The following GUCY1A2 variants were observed in gnomAD, a reference collection of about 807,000 sequenced individuals.
GUCY1A2 encodes guanylate cyclase 1 soluble subunit alpha 2.
GUCY1A2 carries 27 observed loss-of-function variants against 63.5 expected under a neutral mutation model. The observed-to-expected ratio is 0.43, with a 90% confidence interval of 0.31 to 0.59. The LOEUF is 0.59. Ranked by LOEUF, GUCY1A2 falls within the 20% of genes least tolerant of loss-of-function variation. The pLI is 0.11. For synonymous variants in GUCY1A2, 364 were observed against 343.5 expected (o/e 1.06, Z -0.66); for missense variants, 768 against 913.3 (o/e 0.84, Z 2.05).
chr11:106,788,489 A>C (rs12575777), intron 5 of GUCY1A2, among the ~76,000 whole-genome samples: 7,014 of 152,200 alleles, frequency 0.046, 159 homozygotes, highest in East Asian at 0.093. Context: ...AGTTTCTCTA[A>C]TGTTTTCTTT....
Position 106,680,546 on chromosome 11 carries a change from C to T in GUCY1A2, c.*7003G>A, listed in dbSNP as rs945527528. On this transcript the variant is annotated 3_prime_UTR_variant, in exon 8 of 8. Transcript: ENST00000526355. ...TCTGATCAGCAACTAGCTGAATTAA[C>T]TGGAAGGATAACTTCAGTGTAATTT... The T allele has an allele frequency of 5.1e-6, 1 of 197,238 alleles. No homozygotes were observed. Among genetic ancestry groups the T allele is most frequent in the Non-Finnish European group, 1.0e-5 (1 of 95,386 alleles). 12.2% of individuals were successfully genotyped at this position (197,238 alleles called of 1,614,324 possible).
chr11:106,826,949 C>T, intron 4 of GUCY1A2: 2 of 1,610,708 alleles, frequency 1.2e-6, no homozygotes, highest in Non-Finnish European at 1.7e-6. Context: ...ACTCCTGTAG[C>T]ACTGACAATG....
At chr11:106,925,133 T>C (rs1326411929) in intron 4 of GUCY1A2, among the ~76,000 whole-genome samples, 1 of 151,492 alleles carries the variant, frequency 6.6e-6, no homozygotes, top group African/African-American at 2.4e-5. Context: ...TCAAAGTCCA[T>C]TAAAATCCTG....
At chr11:106,995,276 C>G (rs1373197856) in intron 1 of GUCY1A2, among the ~76,000 whole-genome samples, 1 of 152,124 alleles carries the variant, frequency 6.6e-6, no homozygotes, top group Non-Finnish European at 1.5e-5. Flanking sequence ...TCAAAATAAT[C>G]TTACAAGAGA....
At chr11:106,954,772 T>C (rs1860959542) in intron 3 of GUCY1A2, among the ~76,000 whole-genome samples, 1 of 152,160 alleles carries the variant, frequency 6.6e-6, no homozygotes, top group South Asian at 2.1e-4. Flanking sequence ...CCTTGTCTTT[T>C]TGTATTTTTG....
chr11:106,868,507 T>C (rs542092973), intron 4 of GUCY1A2, among the ~76,000 whole-genome samples: 2 of 152,132 alleles, frequency 1.3e-5, no homozygotes, highest in Non-Finnish European at 2.9e-5. Context: ...CCATTCACAA[T>C]TGCTTCAAAG....
In GUCY1A2 at chr11:106,978,709, T is replaced by C. The variant is rs1461456681; in HGVS notation, c.397A>G (p.Ile133Val). 3.8e-6 allele frequency: 6 copies of C among 1,594,060 alleles called. No homozygotes were observed. Among genetic ancestry groups the C allele is most frequent in the South Asian group, 3.4e-5 (3 of 88,480 alleles). The change falls in exon 3 of 8, where the codon ATC becomes GTC. Residue 133 changes from isoleucine to valine, a missense_variant. This residue lies in a region of GUCY1A2 where 496 missense variants were observed against 486.9 expected (regional missense o/e 1.02). Transcript: ENST00000526355. Reference protein sequence around the residue: ...YRDAEKNFHNISNRCSYADHS... With the variant: ...YRDAEKNFHNVSNRCSYADHS... ...TCTGCATAGGAGCATCTGTTAGAGA[T>C]ATTGTGGAAATTCTTTTCTGCATCC...
intron 6 of GUCY1A2, among the ~76,000 whole-genome samples, chr11:106,729,440 G>A (rs1863462172): frequency 6.6e-6 from 1 of 151,952 alleles, no homozygotes; most frequent in African/African-American, 2.4e-5. Flanking sequence ...TTGCAAATGA[G>A]CAACTTTGCC....
At chr11:106,907,178 A>G (rs1860221541) in intron 4 of GUCY1A2, among the ~76,000 whole-genome samples, 2 of 152,208 alleles carry the variant, frequency 1.3e-5, no homozygotes, top group South Asian at 4.1e-4. Context: ...TGTTGTTTCC[A>G]AGCAGCTTAT....
At chr11:106,826,717 G>A (rs536214840) in intron 4 of GUCY1A2, 1 of 1,609,970 alleles carries the variant, frequency 6.2e-7, no homozygotes, top group East Asian at 2.2e-5. Flanking sequence ...TCCTGAACTC[G>A]CTGCAGCCAT....
intron 4 of GUCY1A2, among the ~76,000 whole-genome samples, chr11:106,890,562 C>T (rs181400367): frequency 5.3e-5 from 8 of 152,158 alleles, no homozygotes; most frequent in African/African-American, 1.2e-4. Context: ...CTGTATGTGA[C>T]GGTTCATGAC....
chr11:106,827,835 C>T, intron 4 of GUCY1A2: 1 of 1,599,236 alleles, frequency 6.3e-7, no homozygotes. Context: ...GCCCGCGATG[C>T]CGCCGCCGAC....
chr11:106,855,893 T>TTTTCTTTTTTTA (rs536833371), intron 4 of GUCY1A2, among the ~76,000 whole-genome samples: 132 of 94,416 alleles, frequency 1.4e-3, no homozygotes, highest in African/African-American at 4.6e-3. Context: ...GTCTCTTGTA[T>TTTTCTTTTTTTA]TTTATTTATT....
intron 3 of GUCY1A2, among the ~76,000 whole-genome samples, chr11:106,950,685 G>A (rs1046366837): frequency 6.6e-6 from 1 of 152,192 alleles, no homozygotes; most frequent in Admixed American, 6.5e-5. Context: ...GAGGCAGCAG[G>A]AAAGCATGAT....
chr11:106,983,416 C>T (rs1193811064), intron 2 of GUCY1A2, among the ~76,000 whole-genome samples: 1 of 152,198 alleles, frequency 6.6e-6, no homozygotes, highest in Non-Finnish European at 1.5e-5. Context: ...CAGCTACTCC[C>T]TCCCAGTCCT....
chr11:106,827,494 G>C (rs1203044443), intron 4 of GUCY1A2: 2 of 1,465,126 alleles, frequency 1.4e-6, no homozygotes, highest in Non-Finnish European at 1.9e-6. Flanking sequence ...AGCACTGTCT[G>C]TATCACGGAT....
chr11:106,928,081 A>G (rs566011068), intron 4 of GUCY1A2, among the ~76,000 whole-genome samples: 6 of 152,320 alleles, frequency 3.9e-5, no homozygotes, highest in African/African-American at 1.2e-4. Flanking sequence ...ATCTACACCT[A>G]CCTTATTCAT....
intron 6 of GUCY1A2, among the ~76,000 whole-genome samples, chr11:106,733,861 T>C (rs1002152968): frequency 1.3e-5 from 2 of 152,114 alleles, no homozygotes; most frequent in African/African-American, 2.4e-5. Flanking sequence ...GGAATCTCTC[T>C]TAGAAATATT....
At chr11:106,887,979 C>A in intron 4 of GUCY1A2, among the ~76,000 whole-genome samples, 1 of 152,096 alleles carries the variant, frequency 6.6e-6, no homozygotes, top group East Asian at 1.9e-4. Flanking sequence ...CTACCTAGTT[C>A]TTTACCAGTC....
Sources: gnomAD v4.1 joint callset for allele counts (sites outside exome capture counted in the v4.1 genomes callset) on GRCh38, gnomAD v4.1.1 for gene constraint, gnomAD v4.1.1 regional missense constraint, MANE v1.5 for transcripts, NCBI Gene and HGNC (gene_info 2026-07-23, HGNC 2026-07-21) for gene names.